Variants in IRX5 observed in about 807,000 individuals in gnomAD.
IRX5 encodes the protein iroquois-class homeodomain protein IRX-5.
Under a neutral mutation model 37.6 loss-of-function variants are expected in IRX5, and 8 were observed. That is an observed-to-expected ratio of 0.21 (90% CI 0.12 to 0.38). The LOEUF is 0.38. Among genes scored for constraint, IRX5 ranks in the 10% least tolerant of loss-of-function variants. The probability of loss-of-function intolerance (pLI) is 1.00; values close to 1 mark genes in which losing one functional copy is unlikely to be tolerated. For missense variants in IRX5, 635 were observed against 695.2 expected, an observed-to-expected ratio of 0.91 and a Z score of 0.97; for synonymous variants, 359 against 328.6, an observed-to-expected ratio of 1.09 and a Z score of -1.00.
At chr16:54,931,951 G>A (rs764330667) in intron 1 of IRX5, 20 of 632,348 alleles carry the variant, frequency 3.2e-5, no homozygotes, top group Non-Finnish European at 5.4e-5. Flanking sequence ...GAGCTGCGGT[G>A]CATCCGGGAT....
In IRX5 at chr16:54,931,017, C is replaced by A; in HGVS notation, c.-182C>A. On this transcript the variant is annotated 5_prime_UTR_variant, in exon 1 of 3. Coordinates refer to ENST00000394636, the MANE Select transcript of IRX5 (RefSeq NM_005853.6). ...CGCGCAGAGGAGCGGGCGCGGCGGT[C>A]GCAGCCGGAGGCGCGCGGGAAGCCA... 9.9e-6 allele frequency: 2 copies of A among 201,170 alleles called. No individual in the cohort carries two copies. The highest frequency in any genetic ancestry group is 3.2e-4 in the South Asian group (2 of 6,170). The allele number at this position is 201,170 out of a possible 1,614,324, so 12.5% of individuals were successfully genotyped here.
chr16:54,932,091 G>C lies in IRX5; in HGVS notation c.250-407G>C, dbSNP rs1393291607. On this transcript the variant is annotated intron_variant, in intron 1 of 2. Coordinates refer to ENST00000394636, the MANE Select transcript of IRX5 (RefSeq NM_005853.6). This position sits in a 1 kb window ranked among gnomAD's most constrained non-coding sequence, Gnocchi z 6.7. Reference sequence around the variant, plus strand: ...GAAAAAAAGAGCCTTGACTTCCCTTGTTTTCCCCCCTTGCGCCCAACGTGC... The same window carrying C: ...GAAAAAAAGAGCCTTGACTTCCCTTCTTTTCCCCCCTTGCGCCCAACGTGC... 14 of 702,732 alleles carry C rather than the reference G, an allele frequency of 2.0e-5. No homozygotes were observed. Among genetic ancestry groups the C allele is most frequent in the African/African-American group, 5.2e-5 (3 of 57,262 alleles). 43.5% of individuals were successfully genotyped at this position (702,732 alleles called of 1,614,324 possible). A position where few individuals can be genotyped will look rare whatever the true frequency, so the allele number is the denominator to read the frequency against.
In IRX5 at chr16:54,931,395, A is replaced by G; in HGVS notation, c.197A>G (p.Gln66Arg). ...TCGCCGGGCTACAACTCGCACCTCC[A>G]GTACGGCGCCGACCCCGCGGCCGCC... ...APSPGYNSHL[Q>R]YGADPAAAAA... Residue 66 changes from glutamine (Q) to arginine (R), a missense_variant, in exon 1 of 3, where the codon CAG becomes CGG. By Grantham distance (43) the Gln-to-Arg change is conservative. Transcript: ENST00000394636. 1 of 1,599,078 alleles carries G rather than the reference A, an allele frequency of 6.3e-7. No individual in the cohort carries two copies. Among genetic ancestry groups the G allele is most frequent in the Non-Finnish European group, 8.5e-7 (1 of 1,178,426 alleles).
In IRX5 at chr16:54,934,202, TG is replaced by T. The variant is rs764883555; in HGVS notation, c.*330del. 21 of 176,566 alleles carry T rather than the reference TG, an allele frequency of 1.2e-4. No individual in the cohort carries two copies. The highest frequency in any genetic ancestry group is 1.9e-4 in the South Asian group (1 of 5,130). The allele number at this position is 176,566 out of a possible 1,614,324, so 10.9% of individuals were successfully genotyped here. On this transcript the variant is annotated 3_prime_UTR_variant, in exon 3 of 3. Transcript: ENST00000394636. ...TCAAGACACCTGTACAGGCATTTAA[TG>T]TTTTTTTGTAATATAAATATATACA...
Position 54,933,291 on chromosome 16 carries a change from C to G in IRX5, c.870C>G (p.His290Gln), listed in dbSNP as rs1443598428. 1 of 1,393,928 alleles carries G rather than the reference C, an allele frequency of 7.2e-7. No homozygotes were observed. The highest frequency in any genetic ancestry group is 9.2e-7 in the Non-Finnish European group (1 of 1,081,848). 86.3% of individuals were successfully genotyped at this position (1,393,928 alleles called of 1,614,324 possible). A position where few individuals can be genotyped will look rare whatever the true frequency, so the allele number is the denominator to read the frequency against. The change falls in exon 3 of 3, where the codon CAC becomes CAG. Residue 290 changes from histidine (H) to glutamine (Q), a missense_variant. His to Gln is a conservative substitution (Grantham distance 24). Around this residue, in one of 5 missense-constraint regions of IRX5, gnomAD observed 244 missense variants for 205.4 expected, o/e 1.19. Coordinates refer to ENST00000394636, the MANE Select transcript of IRX5 (RefSeq NM_005853.6). ...AARLAEDPAP[H>Q]YPAGAPAPGP... ...GGCTGGCGGAGGACCCGGCCCCTCA[C>G]TACCCCGCCGGAGCGCCGGCGCCCG...
In IRX5 at chr16:54,933,112, C is replaced by G. The variant is rs200111411; in HGVS notation, c.691C>G (p.Arg231Gly). The change falls in exon 3 of 3, where the codon CGG becomes GGG. Residue 231 changes from arginine to glycine, a missense_variant. Physicochemically the swap from Arg to Gly is moderately radical, Grantham distance 125. Coordinates refer to ENST00000394636, the MANE Select transcript of IRX5 (RefSeq NM_005853.6). The stretch of plus-strand genomic sequence containing the variant: ...GCAGAAGGCGGCTTCGGGCTGCGAA[C>G]GGCTTCAGGGACCACCCACCCCTGC... Reference protein sequence around the residue: ...AEQKAASGCERLQGPPTPAGK... With the variant: ...AEQKAASGCEGLQGPPTPAGK... The G allele has an allele frequency of 8.1e-5, 129 of 1,589,562 alleles. No homozygotes were observed. In the Admixed American group the frequency reaches 2.2e-3, roughly 27 times the overall value.
In IRX5 at chr16:54,933,651, C is replaced by A. The variant is rs777620310; in HGVS notation, c.1230C>A (p.Pro410=). Residue 410 remains proline (P), a synonymous_variant, in exon 3 of 3, where the codon CCC becomes CCA. Coordinates refer to ENST00000394636, the MANE Select transcript of IRX5 (RefSeq NM_005853.6). ...RPLYYTAPFY[P]GYTNYGSFGH... is the part of the protein sequence containing the mutation. The stretch of plus-strand genomic sequence containing the variant: ...TCTACTACACCGCGCCCTTCTATCC[C>A]GGCTACACGAACTATGGCTCCTTCG... The A allele has an allele frequency of 6.2e-7, 1 of 1,611,580 alleles. No homozygotes were observed. Among genetic ancestry groups the A allele is most frequent in the South Asian group, 1.1e-5 (1 of 90,962 alleles).
Position 54,933,745 on chromosome 16 carries a change from T to G in IRX5, c.1324T>G (p.Leu442Val), listed in dbSNP as rs1299002791. 6.2e-7 allele frequency: 1 copy of G among 1,613,944 alleles called. No homozygotes were observed. The highest frequency in any genetic ancestry group is 1.7e-5 in the Admixed American group (1 of 60,012). ...CGGTCCGGGGTCTCATTTCAATGGA[T>G]TAAACCAGACCGTGTTGAACCGAGC... Reference protein sequence around the residue: ...TTGPGSHFNGLNQTVLNRADA... With the variant: ...TTGPGSHFNGVNQTVLNRADA... Residue 442 changes from leucine (L) to valine (V), a missense_variant, in exon 3 of 3, where the codon TTA (leucine) becomes GTA (valine). Leu to Val is a conservative substitution (Grantham distance 32, BLOSUM62 1). Transcript: ENST00000394636.
In IRX5 at chr16:54,933,957, A is replaced by T; in HGVS notation, c.*84A>T. 1 of 1,372,366 alleles carries T rather than the reference A, an allele frequency of 7.3e-7. No individual in the cohort carries two copies. The highest frequency in any genetic ancestry group is 2.4e-5 in the East Asian group (1 of 42,442). 85.0% of individuals were successfully genotyped at this position (1,372,366 alleles called of 1,614,324 possible). ...ATTTTTCCATCACCGAGAGAGAGAG[A>T]CAGAGAGAGAAAATAAACTACCCCT... On this transcript the variant is annotated 3_prime_UTR_variant, in exon 3 of 3. Transcript: ENST00000394636.
rs1469791135 is a variant in IRX5 at position 54,932,875 on chromosome 16, C to T, written c.627C>T (p.Asp209=). ...AGGACGAGCCCCAGAAGCCCGAGGACAAGGGCGACCCCGAGGGCCCCGAAG... is the reference window on the plus strand; with the variant it reads ...AGGACGAGCCCCAGAAGCCCGAGGATAAGGGCGACCCCGAGGGCCCCGAAG... ...NDEDEPQKPE[D]KGDPEGPEAG... Residue 209 remains aspartate, a synonymous_variant, in exon 2 of 3, where the codon GAC becomes GAT. Coordinates refer to ENST00000394636, the MANE Select transcript of IRX5 (RefSeq NM_005853.6). The surrounding 1 kb of genome is among the most constrained non-coding windows in gnomAD (Gnocchi z 6.7). 6.2e-7 allele frequency: 1 copy of T among 1,612,720 alleles called. No homozygotes were observed. The highest frequency in any genetic ancestry group is 8.5e-7 in the Non-Finnish European group (1 of 1,179,260).
In IRX5 at chr16:54,933,811, T is replaced by C. The variant is rs1296451864; in HGVS notation, c.1390T>C (p.Ser464Pro). 6.2e-7 allele frequency: 1 copy of C among 1,613,958 alleles called. No individual in the cohort carries two copies. Among genetic ancestry groups the C allele is most frequent in the African/African-American group, 1.3e-5 (1 of 74,918 alleles). The change falls in exon 3 of 3, where the codon TCT (serine) becomes CCT (proline). Residue 464 changes from serine to proline, a missense_variant. By Grantham distance (74) the Ser-to-Pro change is moderately conservative. Coordinates refer to ENST00000394636, the MANE Select transcript of IRX5 (RefSeq NM_005853.6). The part of the protein sequence containing the change: ...AKDPKMLRSQ[S>P]QLDLCKDSPY... ...AGACCCGAAAATGTTGCGGAGCCAG[T>C]CTCAGCTAGACCTGTGCAAAGACTC...
rs375093347 is a variant in IRX5, at chr16:54,934,043, C to CA, written c.*181dup. On this transcript the variant is annotated 3_prime_UTR_variant, in exon 3 of 3. Transcript: ENST00000394636. ...ACATAAAAATGTAAACATCTCCACA[C>CA]AAAAAAAAAAATGTCTTAACCAACC... The CA allele has an allele frequency of 4.9e-4, 270 of 555,302 alleles. No homozygotes were observed. The highest frequency in any genetic ancestry group is 4.4e-4 in the Non-Finnish European group (157 of 356,688). The allele number at this position is 555,302 out of a possible 1,614,324, so 34.4% of individuals were successfully genotyped here.
At position 54,933,359 on chromosome 16, in the gene IRX5, G is replaced by T; in HGVS notation, c.938G>T (p.Gly313Val). 1 of 1,505,876 alleles carries T rather than the reference G, an allele frequency of 6.6e-7. No individual in the cohort carries two copies. The highest frequency in any genetic ancestry group is 8.8e-7 in the Non-Finnish European group (1 of 1,131,974). The allele number at this position is 1,505,876 out of a possible 1,614,324, so 93.3% of individuals were successfully genotyped here. The change falls in exon 3 of 3, where the codon GGG becomes GTG. Residue 313 changes from glycine to valine, a missense_variant. Gly to Val is a moderately radical substitution (Grantham distance 109, BLOSUM62 -3). Around this residue, in one of 5 missense-constraint regions of IRX5, gnomAD observed 244 missense variants for 205.4 expected, o/e 1.19. Transcript: ENST00000394636. Reference sequence around the variant, plus strand: ...GGCGAGGTGCCTCCGGGTCCCGGCGGGCCCTCGGTTATCCATTCGCCGCCT... The same window carrying T: ...GGCGAGGTGCCTCCGGGTCCCGGCGTGCCCTCGGTTATCCATTCGCCGCCT... ...AAGEVPPGPGGPSVIHSPPPP... is the reference protein window; with the variant it reads ...AAGEVPPGPGVPSVIHSPPPP...
rs747461210 is a variant in IRX5 at position 54,931,375 on chromosome 16, G to A, written c.177G>A (p.Pro59=). 6.2e-7 allele frequency: 1 copy of A among 1,603,922 alleles called. No homozygotes were observed. The highest frequency in any genetic ancestry group is 8.5e-7 in the Non-Finnish European group (1 of 1,179,420). Residue 59 remains proline, a synonymous_variant, in exon 1 of 3, where the codon CCG becomes CCA. Transcript: ENST00000394636. ...CGACTGCCTTCACGGCGCCCTCGCCGGGCTACAACTCGCACCTCCAGTACG... is the reference window on the plus strand; with the variant it reads ...CGACTGCCTTCACGGCGCCCTCGCCAGGCTACAACTCGCACCTCCAGTACG... ...AGSTAFTAPS[P]GYNSHLQYGA...
rs1963888492 is a variant in IRX5, at chr16:54,931,036, G to A, written c.-163G>A. ...GGCGGTCGCAGCCGGAGGCGCGCGG[G>A]AAGCCAGCGAGGAGGCGCCGCGGGC... On this transcript the variant is annotated 5_prime_UTR_variant, in exon 1 of 3. Coordinates refer to ENST00000394636, the MANE Select transcript of IRX5 (RefSeq NM_005853.6). 3 of 278,264 alleles carry A rather than the reference G, an allele frequency of 1.1e-5. No individual in the cohort carries two copies. Among genetic ancestry groups the A allele is most frequent in the Admixed American group, 6.4e-5 (1 of 15,532 alleles). The allele number at this position is 278,264 out of a possible 1,614,324, so 17.2% of individuals were successfully genotyped here. A position where few individuals can be genotyped will look rare whatever the true frequency, so the allele number is the denominator to read the frequency against.
In IRX5 at chr16:54,932,978, G is replaced by A. The variant is rs553209006; in HGVS notation, c.655+75G>A. The A allele has an allele frequency of 1.4e-5, 23 of 1,591,834 alleles. No individual in the cohort carries two copies. In the East Asian group the frequency reaches 4.5e-4, roughly 31 times the overall value. On this transcript the variant is annotated intron_variant, in intron 2 of 2. Transcript: ENST00000394636. The surrounding 1 kb of genome is among the most constrained non-coding windows in gnomAD (Gnocchi z 6.7). ...AGAGGCCTGGAGGGGGCGCGCACGG[G>A]GCCTGGAGGTTGGGGGCAGGGGTCC...
chr16:54,933,064 G>C lies in IRX5; in HGVS notation c.656-13G>C. On this transcript the variant is annotated splice_polypyrimidine_tract_variant and intron_variant, in intron 2 of 2. Coordinates refer to ENST00000394636, the MANE Select transcript of IRX5 (RefSeq NM_005853.6). ...GGCCTCTGCGCCCCTGACAGCCTGG[G>C]TTTCGCCCGCAGGAGGAGCTGAGCA... is the stretch of plus-strand genomic sequence containing the variant. The C allele has an allele frequency of 6.2e-7, 1 of 1,601,302 alleles. No homozygotes were observed. The highest frequency in any genetic ancestry group is 1.1e-5 in the South Asian group (1 of 90,576).
Position 54,932,321 on chromosome 16 carries a change from A to T in IRX5, c.250-177A>T. On this transcript the variant is annotated intron_variant, in intron 1 of 2. Coordinates refer to ENST00000394636, the MANE Select transcript of IRX5 (RefSeq NM_005853.6). The surrounding 1 kb of genome is among the most constrained non-coding windows in gnomAD (Gnocchi z 6.7). ...AAATTGAGGTCCCCGCTGCCTTCTG[A>T]GGAGGGGGAGGAGTTGCTCCTAGGT... 1 of 713,270 alleles carries T rather than the reference A, an allele frequency of 1.4e-6. No individual in the cohort carries two copies. The highest frequency in any genetic ancestry group is 2.8e-5 in the Admixed American group (1 of 35,484). The allele number at this position is 713,270 out of a possible 1,614,324, so 44.2% of individuals were successfully genotyped here. A position where few individuals can be genotyped will look rare whatever the true frequency, so the allele number is the denominator to read the frequency against.
rs996856146 is a variant in IRX5 at position 54,933,918 on chromosome 16, T to C, written c.*45T>C. 4.7e-6 allele frequency: 7 copies of C among 1,504,640 alleles called. No homozygotes were observed. In the Middle Eastern group the frequency reaches 5.4e-4, roughly 115 times the overall value. 93.2% of individuals were successfully genotyped at this position (1,504,640 alleles called of 1,614,324 possible). Reference sequence around the variant, plus strand: ...GGACTTTTCTAATTTATTAAAAACATGGCCTTGGCAGTTATTTTTCCATCA... The same window carrying C: ...GGACTTTTCTAATTTATTAAAAACACGGCCTTGGCAGTTATTTTTCCATCA... On this transcript the variant is annotated 3_prime_UTR_variant, in exon 3 of 3. Transcript: ENST00000394636.
Sources: gnomAD v4.1 joint callset for allele counts on GRCh38, gnomAD v4.1.1 for gene constraint, gnomAD v4.1.1 regional missense constraint, Gnocchi (gnomAD v3.1) non-coding constraint, MANE v1.5 for transcripts, NCBI Gene and HGNC (gene_info 2026-07-23, HGNC 2026-07-21) for gene names.